SAXO1: variants seen among roughly 807,000 people sequenced by gnomAD.
The protein encoded by SAXO1 is stabilizer of axonemal microtubules 1, also known as 4930500O09Rik.
Under a neutral mutation model 17.5 loss-of-function variants are expected in SAXO1, and 21 were observed. That is an observed-to-expected ratio of 1.20 (90% CI 0.85 to 1.72). SAXO1 has a LOEUF of 1.72. Ranked by LOEUF, SAXO1 falls within the 40% of genes most tolerant of loss-of-function variation. SAXO1 has a pLI of 0.00. For missense variants in SAXO1, 843 were observed against 596.0 expected (o/e 1.41, Z -4.32); for synonymous variants, 274 against 216.5 (o/e 1.27, Z -2.33).
intron 1 of SAXO1, among the ~76,000 whole-genome samples, chr9:18,955,411 A>T (rs760249179): frequency 2.0e-5 from 3 of 152,198 alleles, no homozygotes; most frequent in Non-Finnish European, 4.4e-5. Context: ...CACATTCCAA[A>T]TGCTCAACAG....
At chr9:19,027,087 G>A in intron 1 of SAXO1, 1 of 891,082 alleles carries the variant, frequency 1.1e-6, no homozygotes, top group Non-Finnish European at 1.9e-6. Context: ...GAAAATCAAT[G>A]TGAACAAAAC....
intron 1 of SAXO1, among the ~76,000 whole-genome samples, chr9:18,981,352 T>G (rs1228769415): frequency 6.6e-6 from 1 of 152,212 alleles, no homozygotes; most frequent in Non-Finnish European, 1.5e-5. Context: ...CAAACAAGTC[T>G]GGAAACTGAG....
intron 1 of SAXO1, among the ~76,000 whole-genome samples, chr9:19,028,576 G>A (rs1340212538): frequency 1.3e-5 from 2 of 152,194 alleles, no homozygotes; most frequent in African/African-American, 2.4e-5. Context: ...TTTAGATGCT[G>A]ACCTTACTGT....
chr9:18,940,713 TC>T (rs1363872765), intron 3 of SAXO1, among the ~76,000 whole-genome samples: 1 of 152,220 alleles, frequency 6.6e-6, no homozygotes. Context: ...ATGGTCTCAG[TC>T]TTTGCAGCTG....
At chr9:19,039,159 T>C (rs1203278125) in intron 1 of SAXO1, among the ~76,000 whole-genome samples, 1 of 151,726 alleles carries the variant, frequency 6.6e-6, no homozygotes, top group East Asian at 1.9e-4. Flanking sequence ...AAAGAAAATA[T>C]TAGCAAACTG....
At chr9:18,934,418 G>C (rs762140916) in intron 3 of SAXO1, among the ~76,000 whole-genome samples, 2 of 152,054 alleles carry the variant, frequency 1.3e-5, no homozygotes, top group Non-Finnish European at 1.5e-5. Context: ...CATTTTTGCT[G>C]ATTCTTATGC....
intron 1 of SAXO1, among the ~76,000 whole-genome samples, chr9:19,010,076 G>A (rs572673679): frequency 2.0e-5 from 3 of 152,078 alleles, no homozygotes; most frequent in East Asian, 1.9e-4. Context: ...GGATCCACCA[G>A]CCTTGGCCTC....
chr9:18,930,456 G>T (rs1830991330), intron 3 of SAXO1, among the ~76,000 whole-genome samples: 1 of 151,984 alleles, frequency 6.6e-6, no homozygotes, highest in Non-Finnish European at 1.5e-5. Flanking sequence ...TGAGAAAAAT[G>T]GGATGACAAA....
upstream of SAXO1, among the ~76,000 whole-genome samples, chr9:19,033,884 G>A (rs1379683990): frequency 2.6e-5 from 4 of 152,064 alleles, no homozygotes; most frequent in Non-Finnish European, 5.9e-5. Flanking sequence ...TGGTTCTGCT[G>A]GGCCACGGAC....
At chr9:18,995,808 G>A (rs1465688120) in intron 1 of SAXO1, among the ~76,000 whole-genome samples, 1 of 152,148 alleles carries the variant, frequency 6.6e-6, no homozygotes, top group Admixed American at 6.6e-5. Context: ...AGCTGGGTGT[G>A]GTGGCTTTTG....
At chr9:19,027,725 A>C in intron 1 of SAXO1, 1 of 1,417,626 alleles carries the variant, frequency 7.1e-7, no homozygotes, top group Non-Finnish European at 9.9e-7. Context: ...GCACTTTGAC[A>C]GCGAGAAGTC....
chr9:18,984,302 C>G (rs2131826910), intron 1 of SAXO1, among the ~76,000 whole-genome samples: 1 of 152,312 alleles, frequency 6.6e-6, no homozygotes. Context: ...ATCAAGTCAC[C>G]AGCTACATTC....
chr9:19,049,288 C>A lies in SAXO1; in HGVS notation c.-237G>T, dbSNP rs1213513568. On this transcript the variant is annotated 5_prime_UTR_variant, in exon 1 of 4. Transcript: ENST00000542071. This position sits in a 1 kb window ranked among gnomAD's most constrained non-coding sequence, Gnocchi z 5.4. The stretch of plus-strand genomic sequence containing the variant: ...TTCCCTTCCATCTTAGGGCTCACGC[C>A]GCCCCGGTTAGGTTTCATTAGAGCA... The A allele has an allele frequency of 1.1e-5, 2 of 188,696 alleles. No homozygotes were observed. Among genetic ancestry groups the A allele is most frequent in the South Asian group, 1.2e-4 (1 of 8,232 alleles). 11.7% of individuals were successfully genotyped at this position (188,696 alleles called of 1,614,324 possible).
rs185880610 is a variant in SAXO1 at position 19,006,864 on chromosome 9, G to A, written c.38+26007C>T. The stretch of plus-strand genomic sequence containing the variant: ...CGTTCAAGACCAGCCTGGCCAAATG[G>A]TGAAACCCCGTCTCTACTAAAAATA... On this transcript the variant is annotated intron_variant, in intron 1 of 3. Transcript: ENST00000380534. Among the ~76,000 whole-genome samples, 704 of 152,056 alleles carry A rather than the reference G, an allele frequency of 4.6e-3. 5 individuals are homozygous for A. The highest frequency in any genetic ancestry group is 0.016 in the African/African-American group (675 of 41,466).
intron 1 of SAXO1, among the ~76,000 whole-genome samples, chr9:18,955,602 G>A (rs563199550): frequency 6.6e-6 from 1 of 152,270 alleles, no homozygotes; most frequent in Admixed American, 6.5e-5. Flanking sequence ...GGCTTTCTCT[G>A]ACCTGTCTTC....
At chr9:19,042,937 C>A (rs1836112468) in intron 1 of SAXO1, among the ~76,000 whole-genome samples, 1 of 152,158 alleles carries the variant, frequency 6.6e-6, no homozygotes, top group South Asian at 2.1e-4. Context: ...TTTGTGAGGC[C>A]AAGGCGGGAG....
At chr9:18,962,872 C>A (rs955933368) in intron 1 of SAXO1, among the ~76,000 whole-genome samples, 21 of 152,170 alleles carry the variant, frequency 1.4e-4, no homozygotes, top group African/African-American at 4.8e-4. Context: ...AAGTCTTTGC[C>A]CATGCCTACG....
chr9:18,975,634 C>G (rs1212798862), intron 1 of SAXO1, among the ~76,000 whole-genome samples: 6 of 152,168 alleles, frequency 3.9e-5, no homozygotes, highest in Non-Finnish European at 5.9e-5. Flanking sequence ...AGTGAGAAGG[C>G]CTCTACAGCA....
At chr9:19,001,396 G>A (rs1009041694) in intron 1 of SAXO1, among the ~76,000 whole-genome samples, 28 of 152,016 alleles carry the variant, frequency 1.8e-4, no homozygotes, top group African/African-American at 6.5e-4. Context: ...AGCCAGGTGC[G>A]GTGGCTCACA....
Sources: gnomAD v4.1 joint callset for allele counts (sites outside exome capture counted in the v4.1 genomes callset) on GRCh38, gnomAD v4.1.1 for gene constraint, Gnocchi (gnomAD v3.1) non-coding constraint, MANE v1.5 for transcripts, NCBI Gene and HGNC (gene_info 2026-07-23, HGNC 2026-07-21) for gene names.